Variants in ARVCF observed in about 807,000 individuals in gnomAD.
ARVCF encodes the protein splicing regulator ARVCF.
ARVCF carries 66 observed loss-of-function variants against 90.9 expected under a neutral mutation model. The observed-to-expected ratio is 0.73, with a 90% CI of 0.60 to 0.89. The LOEUF (loss-of-function observed/expected upper bound fraction) is 0.89. Among genes scored for constraint, ARVCF ranks in the 40% least tolerant of loss-of-function variants. ARVCF has a pLI of 0.00. For synonymous variants in ARVCF, 653 were observed against 603.4 expected, an observed-to-expected ratio of 1.08 and a Z score of -1.21; for missense variants, 1,469 against 1,382.3, an observed-to-expected ratio of 1.06 and a Z score of -1.00.
chr22:19,970,765 T>G (rs1253202850), intron 19 of ARVCF, 22 bp from the exon 20 acceptor site: 1 of 1,291,538 alleles, frequency 7.7e-7, no homozygotes, highest in Non-Finnish European at 1.0e-6. Flanking sequence ...AAGGGGATGG[T>G]GGACGCTGCA....
chr22:19,998,118 C>G (rs983354019), intron 2 of ARVCF, among the ~76,000 whole-genome samples: 6 of 152,222 alleles, frequency 3.9e-5, no homozygotes, highest in Non-Finnish European at 7.4e-5. Context: ...GCCCTACGGC[C>G]CCACTGAGGC....
chr22:19,981,035 C>G, intron 5 of ARVCF, 176 bp downstream of exon 5: 3 of 841,550 alleles, frequency 3.6e-6, no homozygotes, highest in Non-Finnish European at 5.3e-6. Flanking sequence ...CCCAGCCGAA[C>G]TCCTACCACC....
chr22:20,011,503 C>G (rs1944830857), intron 1 of ARVCF, among the ~76,000 whole-genome samples: 1 of 152,186 alleles, frequency 6.6e-6, no homozygotes, highest in Admixed American at 6.5e-5. Context: ...CTCACGACAG[C>G]CTCTTCATCA....
At chr22:19,987,172 G>C (rs1462015588) in intron 3 of ARVCF, 1 of 444,328 alleles carries the variant, frequency 2.3e-6, no homozygotes, top group Non-Finnish European at 4.0e-6. Context: ...CGCCTCGGCC[G>C]CTCGGGCTCA....
At chr22:20,001,915 G>A (rs1372471884) in intron 2 of ARVCF, among the ~76,000 whole-genome samples, 1 of 152,216 alleles carries the variant, frequency 6.6e-6, no homozygotes, top group African/African-American at 2.4e-5. Flanking sequence ...GTGTGAGGCT[G>A]GAGAAAGTAC....
At chr22:20,012,427 GGAC>G (rs1284967889) in intron 1 of ARVCF, among the ~76,000 whole-genome samples, 1 of 152,206 alleles carries the variant, frequency 6.6e-6, no homozygotes, top group African/African-American at 2.4e-5. Context: ...ACGGACAGAG[GGAC>G]GACAGACAGG....
At chr22:20,015,996 C>G (rs977075424) in intron 1 of ARVCF, among the ~76,000 whole-genome samples, 1 of 152,248 alleles carries the variant, frequency 6.6e-6, no homozygotes, top group African/African-American at 2.4e-5. Flanking sequence ...GATGACATGT[C>G]TCCGCACCGG....
downstream of ARVCF, chr22:19,969,046 C>T (rs1240338742): frequency 1.9e-5 from 5 of 264,794 alleles, no homozygotes; most frequent in Non-Finnish European, 3.0e-5. Flanking sequence ...TTAGTACATC[C>T]TTCTCAACTG....
intron 11 of ARVCF, among the ~76,000 whole-genome samples, chr22:19,974,663 C>A (rs995012924): frequency 9.9e-5 from 15 of 152,132 alleles, no homozygotes; most frequent in Non-Finnish European, 2.9e-5. Context: ...CAAGGCCACA[C>A]CCCTAGCAAG....
In ARVCF at chr22:19,976,800, C is replaced by T. The variant is rs1038879181; in HGVS notation, c.1871-77G>A. Reference sequence around the variant, plus strand: ...CACTCATCACCCCCCCATGCCCTCCCGGAAGCCTCAGGTTCCCACTGCACA... The same window carrying T: ...CACTCATCACCCCCCCATGCCCTCCTGGAAGCCTCAGGTTCCCACTGCACA... On this transcript the variant is annotated intron_variant, in intron 9 of 19. Transcript: ENST00000263207. 10 of 1,518,382 alleles carry T rather than the reference C, an allele frequency of 6.6e-6. No homozygotes were observed. In the East Asian group the frequency reaches 7.3e-5, roughly 11 times the overall value. The allele number at this position is 1,518,382 out of a possible 1,614,324, so 94.1% of individuals were successfully genotyped here. A position where few individuals can be genotyped will look rare whatever the true frequency, so the allele number is the denominator to read the frequency against.
At chr22:19,968,803 C>A, downstream of ARVCF, 1 of 1,484,588 alleles carries the variant, frequency 6.7e-7, no homozygotes, top group Non-Finnish European at 9.2e-7. Flanking sequence ...AGACGTGCTC[C>A]TGCTGACCTT....
At chr22:20,003,545 ACT>A (rs1399380126) in intron 2 of ARVCF, among the ~76,000 whole-genome samples, 1 of 152,224 alleles carries the variant, frequency 6.6e-6, no homozygotes, top group East Asian at 1.9e-4. Flanking sequence ...GTGGGATTTT[ACT>A]CCTGGAATGC....
intron 19 of ARVCF, 147 bp from the exon 20 acceptor site, chr22:19,970,890 C>T: frequency 8.9e-7 from 1 of 1,128,152 alleles, no homozygotes; most frequent in South Asian, 1.5e-5. Context: ...GGGCTGACCC[C>T]AAGGGTCTTG....
intron 2 of ARVCF, among the ~76,000 whole-genome samples, chr22:20,006,135 G>GT (rs754756413): frequency 2.0e-5 from 3 of 152,074 alleles, no homozygotes; most frequent in Non-Finnish European, 4.4e-5. Flanking sequence ...TGGGTACAGA[G>GT]TTTCTATTTT....
In ARVCF at chr22:19,969,920, AT is replaced by A; in HGVS notation, c.*835del. The A allele has an allele frequency of 1.0e-6, 1 of 985,436 alleles. No individual in the cohort carries two copies. The allele number at this position is 985,436 out of a possible 1,614,324, so 61.0% of individuals were successfully genotyped here. A position where few individuals can be genotyped will look rare whatever the true frequency, so the allele number is the denominator to read the frequency against. ...GTTCCTTTGCTGCTTTAATTTTTAAATTTTCTTACAAAAATTTAGGTGTTTA... is the reference window on the plus strand; with the variant it reads ...GTTCCTTTGCTGCTTTAATTTTTAAATTTCTTACAAAAATTTAGGTGTTTA... On this transcript the variant is annotated 3_prime_UTR_variant, in exon 20 of 20. Coordinates refer to ENST00000263207, the MANE Select transcript of ARVCF (RefSeq NM_001670.3).
At chr22:19,992,994 T>C (rs897468896) in intron 2 of ARVCF, among the ~76,000 whole-genome samples, 12 of 152,260 alleles carry the variant, frequency 7.9e-5, no homozygotes, top group African/African-American at 2.4e-4. Flanking sequence ...CTTGGCTTGA[T>C]TGGTGCAAAA....
At chr22:19,971,386 G>A in intron 18 of ARVCF, 51 bp from the exon 19 acceptor site, 1 of 1,519,988 alleles carries the variant, frequency 6.6e-7, no homozygotes, top group Non-Finnish European at 8.8e-7. Flanking sequence ...GTTAGTTAGA[G>A]CTCCTGGGGG....
In ARVCF at chr22:19,975,572, C is replaced by G; in HGVS notation, c.1960+114G>C. 2.6e-6 allele frequency: 3 copies of G among 1,174,868 alleles called. No individual in the cohort carries two copies. In the South Asian group the frequency reaches 4.1e-5, roughly 16 times the overall value. 72.8% of individuals were successfully genotyped at this position (1,174,868 alleles called of 1,614,324 possible). On this transcript the variant is annotated intron_variant, in intron 11 of 19. Transcript: ENST00000263207. ...ATCCTGCACCTAGGGGCCTGTTTCC[C>G]CATCTGTTCCCTGAGGCCCTCCAGG...
In ARVCF at chr22:19,974,213, C is replaced by A. The variant is rs972528321; in HGVS notation, c.1987G>T (p.Val663Leu). 2.5e-5 allele frequency: 41 copies of A among 1,612,062 alleles called. No individual in the cohort carries two copies. The highest frequency in any genetic ancestry group is 3.5e-5 in the Non-Finnish European group (41 of 1,179,398). ...KGFELLYQPE[V>L]VRLYLSLLTE... ...AGGAGGGAGAGGTAGAGACGTACCACCTCGGGCTGGTACAGCAGCTCAAAG... is the reference window on the plus strand; with the variant it reads ...AGGAGGGAGAGGTAGAGACGTACCAACTCGGGCTGGTACAGCAGCTCAAAG... Residue 663 changes from valine to leucine, a missense_variant, in exon 12 of 20, where the codon GTG becomes TTG. Transcript: ENST00000263207.
Sources: allele counts gnomAD v4.1 joint callset (sites outside exome capture counted in the v4.1 genomes callset), GRCh38; gene constraint gnomAD v4.1.1; transcripts MANE v1.5; gene names NCBI Gene and HGNC (gene_info 2026-07-23, HGNC 2026-07-21).